The following F13A1 variants were observed in gnomAD, a reference collection of about 807,000 sequenced individuals.
F13A1 encodes the protein coagulation factor XIII A chain, also known as FSF, A subunit.
In F13A1, 47 loss-of-function variants were observed where a neutral mutation model predicts 80.1. The ratio of observed to expected loss-of-function variants is 0.59; its 90% CI spans 0.46 to 0.75. The LOEUF (loss-of-function observed/expected upper bound fraction) is 0.75, where lower values mean the gene tolerates loss of function less well. Ranked by LOEUF, F13A1 falls within the 30% of genes least tolerant of loss-of-function variation. The pLI is 0.00. For missense variants in F13A1, 817 were observed against 930.4 expected, an observed-to-expected ratio of 0.88 and a Z score of 1.59; for synonymous variants, 349 against 344.9, an observed-to-expected ratio of 1.01 and a Z score of -0.13.
At chr6:6,167,696 A>G in intron 12 of F13A1, 78 bp from the exon 13 acceptor site, 1 of 1,527,554 alleles carries the variant, frequency 6.5e-7, no homozygotes, top group Non-Finnish European at 8.9e-7. Context: ...AAGTTTCCCT[A>G]CCCCTCCCAC....
chr6:6,171,730 C>T (rs577770733), intron 12 of F13A1, among the ~76,000 whole-genome samples: 122 of 152,360 alleles, frequency 8.0e-4, no homozygotes, highest in African/African-American at 2.9e-3. Flanking sequence ...AAACCAAAGG[C>T]CTTATAAAGG....
intron 4 of F13A1, among the ~76,000 whole-genome samples, chr6:6,257,246 A>G (rs1365772791): frequency 6.6e-6 from 1 of 152,162 alleles, no homozygotes; most frequent in Non-Finnish European, 1.5e-5. Flanking sequence ...GTACATCAAA[A>G]GGGGTGGCAG....
chr6:6,151,388 T>C lies in F13A1; in HGVS notation c.2045+425A>G, dbSNP rs189523856. Among the ~76,000 whole-genome samples the C allele has an allele frequency of 2.6e-5, 4 of 152,286 alleles. No homozygotes were observed. The East Asian group carries it at 5.8e-4, about 22-fold the overall frequency. On this transcript the variant is annotated intron_variant, in intron 14 of 14. Transcript: ENST00000264870. ...AGGGGGTATCTCTCAGCATAATATC[T>C]GACACGTGGTAGGAGCTCAATAAAG...
At chr6:6,310,226 T>G (rs1203471162) in intron 2 of F13A1, among the ~76,000 whole-genome samples, 3 of 152,222 alleles carry the variant, frequency 2.0e-5, no homozygotes, top group African/African-American at 7.2e-5. Context: ...ATCAGGATTC[T>G]TTACTGAAGC....
chr6:6,188,146 C>G (rs114838150), intron 10 of F13A1, among the ~76,000 whole-genome samples: 1 of 152,056 alleles, frequency 6.6e-6, no homozygotes, highest in Non-Finnish European at 1.5e-5. Flanking sequence ...TGCGGTCTAT[C>G]AGTTTTGTTG....
chr6:6,315,822 A>T (rs1022912479), intron 2 of F13A1, among the ~76,000 whole-genome samples: 2 of 151,582 alleles, frequency 1.3e-5, no homozygotes, highest in Admixed American at 1.3e-4. Flanking sequence ...CAGATTGGTA[A>T]CCGCGGATAC....
chr6:6,157,863 A>G (rs1186598166), intron 13 of F13A1, among the ~76,000 whole-genome samples: 1 of 152,202 alleles, frequency 6.6e-6, no homozygotes, highest in Admixed American at 6.5e-5. Context: ...AGAGCAAATT[A>G]TGTTTTAGGT....
At chr6:6,252,370 C>T (rs1461255848) in intron 4 of F13A1, among the ~76,000 whole-genome samples, 1 of 152,198 alleles carries the variant, frequency 6.6e-6, no homozygotes, top group Non-Finnish European at 1.5e-5. Flanking sequence ...AATAATTATA[C>T]ACAAACACAC....
intron 3 of F13A1, chr6:6,304,979 T>C (rs1181991087): frequency 2.8e-6 from 1 of 351,976 alleles, no homozygotes; most frequent in Non-Finnish European, 5.5e-6. Flanking sequence ...ACTTTCGGAA[T>C]GCATACTTGG....
intron 3 of F13A1, among the ~76,000 whole-genome samples, chr6:6,272,228 A>AT (rs1328821064): frequency 6.6e-6 from 1 of 152,228 alleles, no homozygotes; most frequent in Non-Finnish European, 1.5e-5. Context: ...GCTTTGAAAT[A>AT]TTTTTACATT....
Position 6,195,693 on chromosome 6 carries a change from C to T in F13A1, c.1305+104G>A, listed in dbSNP as rs2274391. The T allele has an allele frequency of 0.31, 301,570 of 972,598 alleles. 49,542 individuals are homozygous for T. The highest frequency in any genetic ancestry group is 0.37 in the South Asian group (27,032 of 72,188). The allele number at this position is 972,598 out of a possible 1,614,324, so 60.2% of individuals were successfully genotyped here. On this transcript the variant is annotated intron_variant, in intron 10 of 14. Transcript: ENST00000264870. Reference sequence around the variant, plus strand: ...GTTACCTTTGTCAACACGAAGCATACGCTATGTACCTGGAAAACTTAGAAA... The same window carrying T: ...GTTACCTTTGTCAACACGAAGCATATGCTATGTACCTGGAAAACTTAGAAA...
At chr6:6,228,723 T>G (rs939781984) in intron 6 of F13A1, among the ~76,000 whole-genome samples, 2 of 107,494 alleles carry the variant, frequency 1.9e-5, no homozygotes, top group African/African-American at 8.3e-5. Flanking sequence ...CAGAGTGAGA[T>G]CCTGTCTCAA....
Position 6,154,518 on chromosome 6 carries a change from C to T in F13A1, c.1909-2569G>A, listed in dbSNP as rs192556950. On this transcript the variant is annotated intron_variant, in intron 13 of 14. Coordinates refer to ENST00000264870, the MANE Select transcript of F13A1 (RefSeq NM_000129.4). ...CTACCCACTGCATGCCAGGAGCAGC[C>T]CCGCACCCCAGCCATCACAACCAAA... Among the ~76,000 whole-genome samples, 408 of 152,272 alleles carry T rather than the reference C, an allele frequency of 2.7e-3. 8 individuals are homozygous for T. The highest frequency in any genetic ancestry group is 0.022 in the Admixed American group (335 of 15,292).
intron 3 of F13A1, among the ~76,000 whole-genome samples, chr6:6,271,172 C>A (rs751884115): frequency 1.3e-5 from 2 of 152,166 alleles, no homozygotes; most frequent in Non-Finnish European, 2.9e-5. Flanking sequence ...GAATGTGGAA[C>A]CTGATGTGCC....
intron 3 of F13A1, among the ~76,000 whole-genome samples, chr6:6,286,314 A>C (rs1295155135): frequency 2.0e-5 from 3 of 152,154 alleles, no homozygotes; most frequent in Non-Finnish European, 2.9e-5. Context: ...TGAACCTGGG[A>C]AGTGGAGGTT....
intron 12 of F13A1, among the ~76,000 whole-genome samples, chr6:6,169,080 A>C (rs1371345685): frequency 1.3e-5 from 2 of 152,072 alleles, no homozygotes; most frequent in African/African-American, 4.8e-5. Context: ...ACCCTTAAAG[A>C]CCTACCAAGC....
intron 6 of F13A1, among the ~76,000 whole-genome samples, chr6:6,240,658 A>C (rs1419109806): frequency 1.3e-5 from 2 of 152,228 alleles, no homozygotes; most frequent in African/African-American, 4.8e-5. Context: ...AGTGGCTATG[A>C]AGATACTTTC....
intron 3 of F13A1, among the ~76,000 whole-genome samples, chr6:6,278,508 G>A (rs551825091): frequency 2.5e-4 from 38 of 152,346 alleles, no homozygotes; most frequent in South Asian, 1.2e-3. Flanking sequence ...AGAAACTGTG[G>A]GAGGTGAGGT....
At chr6:6,210,207 G>A (rs1761577102) in intron 8 of F13A1, among the ~76,000 whole-genome samples, 1 of 151,256 alleles carries the variant, frequency 6.6e-6, no homozygotes. Context: ...TCCAGCTTGG[G>A]TGAGAGACAA....
Sources: allele counts gnomAD v4.1 joint callset (sites outside exome capture counted in the v4.1 genomes callset), GRCh38; gene constraint gnomAD v4.1.1; transcripts MANE v1.5; gene names NCBI Gene and HGNC (gene_info 2026-07-23, HGNC 2026-07-21).